The following ENOX2 variants were observed in gnomAD, a reference collection of about 807,000 sequenced individuals.
ENOX2 encodes ecto-NOX disulfide-thiol exchanger 2.
A neutral mutation model predicts 45.0 loss-of-function variants in ENOX2; 36 were observed. The observed-to-expected ratio is 0.80, with a 90% CI of 0.61 to 1.06. ENOX2 has a LOEUF of 1.06. Among genes scored for constraint, ENOX2 ranks in the 50% least tolerant of loss-of-function variants. The probability of loss-of-function intolerance (pLI) is 0.00; values close to 1 mark genes in which losing one functional copy is unlikely to be tolerated. For synonymous variants in ENOX2, 174 were observed against 152.3 expected, an observed-to-expected ratio of 1.14 and a Z score of -1.05; for missense variants, 423 against 462.5, an observed-to-expected ratio of 0.91 and a Z score of 0.78.
chrX:130,651,092 A>G (rs2036387188), intron 10 of ENOX2, among the ~76,000 whole-genome samples: 1 of 112,157 alleles, frequency 8.9e-6, no homozygotes, highest in Non-Finnish European at 1.9e-5. Flanking sequence ...TAAAAAGAAC[A>G]AAGAGTGGGA....
chrX:130,856,412 C>A lies in ENOX2; in HGVS notation c.-183+45272G>T, dbSNP rs145178552. Reference sequence around the variant, plus strand: ...TCCAGAGGTAATGTCTTTCAGGATGCTCTAAAATAATGTCCAACATATGGT... The same window carrying A: ...TCCAGAGGTAATGTCTTTCAGGATGATCTAAAATAATGTCCAACATATGGT... On this transcript the variant is annotated intron_variant, in intron 2 of 14. Transcript: ENST00000394363. Among the ~76,000 whole-genome samples, 32 of 111,489 alleles carry A rather than the reference C, an allele frequency of 2.9e-4. No individual in the cohort carries two copies. The East Asian group carries it at 7.0e-3, about 25-fold the overall frequency.
chrX:130,646,875 T>A (rs1255238334), intron 10 of ENOX2, among the ~76,000 whole-genome samples: 3 of 112,639 alleles, frequency 2.7e-5, no homozygotes, highest in Non-Finnish European at 5.6e-5. Context: ...ATGTTTTGTC[T>A]TTTAGGACAT....
At chrX:130,693,878 T>C (rs748644841) in intron 4 of ENOX2, among the ~76,000 whole-genome samples, 1 of 111,863 alleles carries the variant, frequency 8.9e-6, no homozygotes, top group South Asian at 3.8e-4. Flanking sequence ...AAATGTGTGA[T>C]ACAGGAGCTT....
At chrX:130,751,194 G>A (rs977769936) in intron 3 of ENOX2, among the ~76,000 whole-genome samples, 2 of 111,388 alleles carry the variant, frequency 1.8e-5, no homozygotes, top group African/African-American at 3.3e-5. Flanking sequence ...TTAAACAGTT[G>A]TCCTCCCTTC....
intron 2 of ENOX2, among the ~76,000 whole-genome samples, chrX:130,874,749 T>C (rs140382193): frequency 2.8e-3 from 310 of 111,600 alleles, no homozygotes; most frequent in East Asian, 0.026. Context: ...TGTGCACCTA[T>C]GCATATGCAC....
chrX:130,789,975 T>G (rs1009559082), intron 2 of ENOX2, among the ~76,000 whole-genome samples: 1 of 112,677 alleles, frequency 8.9e-6, no homozygotes, highest in Non-Finnish European at 1.9e-5. Context: ...CCAAAAGAGT[T>G]GGACCGCAAT....
At chrX:130,839,941 G>A (rs180779331) in intron 2 of ENOX2, among the ~76,000 whole-genome samples, 31 of 111,144 alleles carry the variant, frequency 2.8e-4, no homozygotes, top group South Asian at 1.5e-3. Context: ...TAAAACTATC[G>A]GTTTATGAGA....
chrX:130,636,477 G>T (rs1471648380), intron 11 of ENOX2, among the ~76,000 whole-genome samples: 1 of 112,116 alleles, frequency 8.9e-6, no homozygotes, highest in Non-Finnish European at 1.9e-5. Flanking sequence ...TAGCATGACA[G>T]AAGACAATAG....
At chrX:130,832,017 T>C (rs754326432) in intron 2 of ENOX2, among the ~76,000 whole-genome samples, 53 of 110,850 alleles carry the variant, frequency 4.8e-4, no homozygotes, top group Non-Finnish European at 7.0e-4. Context: ...CCAAACCTTT[T>C]GCCAACCTTT....
intron 12 of ENOX2, 93 bp from the exon 13 acceptor site, chrX:130,631,669 C>T (rs1359730287): frequency 6.2e-6 from 3 of 480,152 alleles, no homozygotes; most frequent in South Asian, 7.3e-5. Flanking sequence ...AACACAGGAC[C>T]ATAAAAACAA....
intron 3 of ENOX2, among the ~76,000 whole-genome samples, chrX:130,706,881 C>A (rs1257294805): frequency 8.9e-6 from 1 of 112,082 alleles, no homozygotes; most frequent in African/African-American, 3.2e-5. Context: ...TCAGTTTGAT[C>A]TCATTAGCTA....
chrX:130,690,355 G>A (rs1222260135), intron 4 of ENOX2, among the ~76,000 whole-genome samples: 1 of 111,654 alleles, frequency 9.0e-6, no homozygotes, highest in Non-Finnish European at 1.9e-5. Flanking sequence ...CTGAGGAGGA[G>A]CCCCACTTGC....
chrX:130,637,435 A>G (rs756270346), intron 10 of ENOX2, 25 bp from the exon 11 acceptor site: 1 of 1,158,103 alleles, frequency 8.6e-7, no homozygotes, highest in South Asian at 1.9e-5. Context: ...AAAATATGAA[A>G]CCATATATCC....
chrX:130,635,601 T>C (rs2035911463), intron 11 of ENOX2, among the ~76,000 whole-genome samples: 1 of 112,211 alleles, frequency 8.9e-6, no homozygotes, highest in African/African-American at 3.2e-5. Context: ...GAGTGCCTAA[T>C]ATGTACTAAG....
intron 2 of ENOX2, among the ~76,000 whole-genome samples, chrX:130,790,369 C>T (rs752677583): frequency 4.2e-4 from 47 of 111,956 alleles, no homozygotes; most frequent in Non-Finnish European, 7.0e-4. Context: ...GGTCAAGTCA[C>T]TAAAGTCTCT....
chrX:130,832,440 T>TACACACAC lies in ENOX2; in HGVS notation c.-182-48758_-182-48751dup, dbSNP rs61623401. On this transcript the variant is annotated intron_variant, in intron 2 of 14. Transcript: ENST00000394363. ...CCTTACACACACACACACACACACA[T>TACACACAC]ACACACACACACACACACACACACA... 3.2e-3 allele frequency among the ~76,000 whole-genome samples: 293 copies of TACACACAC among 91,064 alleles called. 3 individuals carry two copies. Among genetic ancestry groups the TACACACAC allele is most frequent in the African/African-American group, 8.9e-3 (227 of 25,480 alleles). 79.1% of individuals were successfully genotyped at this position (91,064 alleles called of 115,157 possible).
chrX:130,663,499 C>A (rs2036749782), intron 9 of ENOX2, among the ~76,000 whole-genome samples: 2 of 103,643 alleles, frequency 1.9e-5, no homozygotes, highest in African/African-American at 3.6e-5. Context: ...CCACTGCACT[C>A]CAGCCTGGGC....
chrX:130,784,789 T>C (rs180996294), intron 2 of ENOX2, among the ~76,000 whole-genome samples: 76 of 108,177 alleles, frequency 7.0e-4, no homozygotes, highest in Non-Finnish European at 1.4e-3. Flanking sequence ...GGTTTTGCCA[T>C]GTTGGCCAGG....
At chrX:130,836,165 C>A (rs1450700650) in intron 2 of ENOX2, among the ~76,000 whole-genome samples, 2 of 112,225 alleles carry the variant, frequency 1.8e-5, no homozygotes, top group African/African-American at 6.5e-5. Flanking sequence ...TCTGAAGAAA[C>A]TGTATATGGG....
Sources: allele counts gnomAD v4.1 joint callset (sites outside exome capture counted in the v4.1 genomes callset), GRCh38; gene constraint gnomAD v4.1.1; transcripts MANE v1.5; gene names NCBI Gene and HGNC (gene_info 2026-07-23, HGNC 2026-07-21).